Variants in PALLD observed in about 807,000 individuals in gnomAD.
PALLD encodes palladin, cytoskeletal associated protein, also known as palladin.
In PALLD, 61 loss-of-function variants were observed where a neutral mutation model predicts 123.5. The observed-to-expected ratio is 0.49, with a 90% CI of 0.40 to 0.61. PALLD has a LOEUF of 0.61. PALLD is among the 20% of genes least tolerant of loss of function. The pLI is 0.00. For missense variants in PALLD, 1,273 were observed against 1,377.0 expected (o/e 0.92, Z 1.20); for synonymous variants, 465 against 496.4 (o/e 0.94, Z 0.84).
intron 2 of PALLD, among the ~76,000 whole-genome samples, chr4:168,608,850 ATTT>A (rs11398274): frequency 8.8e-5 from 12 of 135,752 alleles, no homozygotes; most frequent in African/African-American, 1.1e-4. Flanking sequence ...AGCTATAACT[ATTT>A]TTTTTTTTTT....
intron 2 of PALLD, among the ~76,000 whole-genome samples, chr4:168,595,637 A>C (rs148335680): frequency 1.3e-5 from 2 of 152,180 alleles, no homozygotes; most frequent in Non-Finnish European, 2.9e-5. Flanking sequence ...TTTATAGTGA[A>C]GCAAGACAGT....
intron 2 of PALLD, among the ~76,000 whole-genome samples, chr4:168,665,675 C>T (rs1779577157): frequency 6.6e-6 from 1 of 152,212 alleles, no homozygotes. Flanking sequence ...ACCAACACTT[C>T]TTAAAGTGCA....
At chr4:168,815,015 C>T (rs1208196083) in intron 10 of PALLD, among the ~76,000 whole-genome samples, 1 of 152,214 alleles carries the variant, frequency 6.6e-6, no homozygotes, top group African/African-American at 2.4e-5. Context: ...AAATGATCCA[C>T]CTGCCTCGGC....
chr4:168,550,188 C>T (rs1240551574), intron 2 of PALLD, among the ~76,000 whole-genome samples: 5 of 152,110 alleles, frequency 3.3e-5, no homozygotes, highest in African/African-American at 1.2e-4. Flanking sequence ...AACTAAAGCA[C>T]ACTTAATAAA....
chr4:168,528,873 C>A (rs549062838), intron 2 of PALLD, among the ~76,000 whole-genome samples: 1 of 152,194 alleles, frequency 6.6e-6, no homozygotes, highest in African/African-American at 2.4e-5. Context: ...GTCTGTTATC[C>A]TGGAATGAGT....
chr4:168,777,663 T>C (rs1454728771), intron 10 of PALLD, among the ~76,000 whole-genome samples: 2 of 152,130 alleles, frequency 1.3e-5, no homozygotes, highest in Non-Finnish European at 2.9e-5. Flanking sequence ...TACTGGTTTG[T>C]TTTGTTTTGT....
At chr4:168,921,860 C>A in intron 18 of PALLD, 119 bp downstream of exon 18, 2 of 836,282 alleles carry the variant, frequency 2.4e-6, no homozygotes, top group South Asian at 1.4e-5. Context: ...TAGATTGTAT[C>A]ATCAAAATAG....
chr4:168,711,610 A>G lies in PALLD; in HGVS notation c.1651A>G (p.Met551Val), dbSNP rs1416285102. The stretch of plus-strand genomic sequence containing the variant: ...CACTGAAAACTGTAGTTACGAGTCA[A>G]TGGGAGAATCCAACAATGACCACTT... ...ANTENCSYES[M>V]GESNNDHFQH... Residue 551 changes from methionine to valine, a missense_variant, in exon 10 of 22, where the codon ATG (methionine) becomes GTG (valine). Met to Val is a conservative substitution (Grantham distance 21). Coordinates refer to ENST00000505667, the MANE Select transcript of PALLD (RefSeq NM_001166108.2). 1 of 1,613,988 alleles carries G rather than the reference A, an allele frequency of 6.2e-7. No individual in the cohort carries two copies. Among genetic ancestry groups the G allele is most frequent in the Non-Finnish European group, 8.5e-7 (1 of 1,179,890 alleles).
chr4:168,715,766 C>T (rs1785292449), intron 10 of PALLD, among the ~76,000 whole-genome samples: 1 of 152,142 alleles, frequency 6.6e-6, no homozygotes, highest in African/African-American at 2.4e-5. Flanking sequence ...CTGGCTAACA[C>T]AGTGAAACCC....
chr4:168,575,180 G>A (rs983185391), intron 2 of PALLD, among the ~76,000 whole-genome samples: 11 of 152,006 alleles, frequency 7.2e-5, no homozygotes, highest in Admixed American at 2.6e-4. Context: ...TTATAAAACC[G>A]TAGATAACTT....
chr4:168,738,054 C>T (rs1055673526), intron 10 of PALLD, among the ~76,000 whole-genome samples: 1 of 152,190 alleles, frequency 6.6e-6, no homozygotes, highest in African/African-American at 2.4e-5. Context: ...ATTTTAAAAC[C>T]ACATTACCTT....
chr4:168,708,993 A>G, intron 8 of PALLD, 35 bp from the exon 9 acceptor site: 3 of 1,609,070 alleles, frequency 1.9e-6, no homozygotes, highest in Non-Finnish European at 2.6e-6. Context: ...TCATGGTTCA[A>G]CTCTGATGAA....
chr4:168,712,439 C>G (rs149065062), intron 10 of PALLD, among the ~76,000 whole-genome samples: 1 of 152,114 alleles, frequency 6.6e-6, no homozygotes, highest in African/African-American at 2.4e-5. Flanking sequence ...GCAAGAAGAG[C>G]GCCCTTCACA....
intron 10 of PALLD, among the ~76,000 whole-genome samples, chr4:168,813,765 G>A (rs10013803): frequency 0.034 from 5,190 of 152,132 alleles, 275 homozygotes; most frequent in African/African-American, 0.11. Flanking sequence ...ATTCTGTCTC[G>A]CATAATTGGA....
chr4:168,685,834 A>C (rs902283104), intron 6 of PALLD, among the ~76,000 whole-genome samples: 3 of 147,066 alleles, frequency 2.0e-5, no homozygotes, highest in East Asian at 2.0e-4. Flanking sequence ...AAAAAAAAAA[A>C]ACCTGCTGTG....
intron 10 of PALLD, among the ~76,000 whole-genome samples, chr4:168,837,005 G>A (rs1457979133): frequency 6.6e-6 from 1 of 152,152 alleles, no homozygotes; most frequent in Non-Finnish European, 1.5e-5. Flanking sequence ...AATGGCAAAA[G>A]GGACTCCACC....
intron 10 of PALLD, among the ~76,000 whole-genome samples, chr4:168,728,071 G>A (rs2150295246): frequency 6.6e-6 from 1 of 152,276 alleles, no homozygotes; most frequent in African/African-American, 2.4e-5. Flanking sequence ...TTATGTATTT[G>A]TTTTTGTACC....
intron 10 of PALLD, among the ~76,000 whole-genome samples, chr4:168,833,306 C>T (rs1484657223): frequency 6.6e-6 from 1 of 151,482 alleles, no homozygotes; most frequent in African/African-American, 2.4e-5. Flanking sequence ...CCTGCGGAGC[C>T]GGGTCTTGCG....
intron 10 of PALLD, among the ~76,000 whole-genome samples, chr4:168,805,041 C>A (rs552305749): frequency 6.6e-6 from 1 of 152,094 alleles, no homozygotes; most frequent in African/African-American, 2.4e-5. Context: ...TGCCTATAAT[C>A]CAGCTACTCA....
Sources: allele counts gnomAD v4.1 joint callset (sites outside exome capture counted in the v4.1 genomes callset), GRCh38; gene constraint gnomAD v4.1.1; transcripts MANE v1.5; gene names NCBI Gene and HGNC (gene_info 2026-07-23, HGNC 2026-07-21).